The following MTUS2 variants were observed in gnomAD, a reference collection of about 807,000 sequenced individuals.
MTUS2 encodes the protein microtubule associated scaffold protein 2.
MTUS2 carries 40 observed loss-of-function variants against 114.1 expected under a neutral mutation model. That is an observed-to-expected ratio of 0.35 (90% confidence interval 0.27 to 0.46). The LOEUF (loss-of-function observed/expected upper bound fraction) is 0.46. Ranked by LOEUF, MTUS2 falls within the 20% of genes least tolerant of loss-of-function variation. MTUS2 has a pLI of 1.00. For synonymous variants in MTUS2, 688 were observed against 672.0 expected (o/e 1.02, Z -0.37); for missense variants, 1,679 against 1,705.4 (o/e 0.98, Z 0.27).
intron 3 of MTUS2, among the ~76,000 whole-genome samples, chr13:29,032,144 C>A (rs2138514238): frequency 6.6e-6 from 1 of 152,206 alleles, no homozygotes; most frequent in African/African-American, 2.4e-5. Context: ...TGTAGATTCC[C>A]TTGTTTAATT....
At chr13:29,238,036 A>G (rs148468206) in intron 5 of MTUS2, among the ~76,000 whole-genome samples, 39 of 152,334 alleles carry the variant, frequency 2.6e-4, no homozygotes, top group African/African-American at 9.4e-4. Context: ...TAGAATTACC[A>G]TATGATCCAG....
At chr13:28,924,956 C>T (rs1443597277) in intron 2 of MTUS2, among the ~76,000 whole-genome samples, 4 of 151,758 alleles carry the variant, frequency 2.6e-5, no homozygotes, top group Non-Finnish European at 4.4e-5. Flanking sequence ...GCATCAAATT[C>T]GTCTTGTCAG....
chr13:28,839,254 A>G (rs78402574), intron 1 of MTUS2, among the ~76,000 whole-genome samples: 1,604 of 152,308 alleles, frequency 0.011, 16 homozygotes, highest in Non-Finnish European at 0.016. Context: ...ATTAATATTA[A>G]TGTTGTTAAT....
At chr13:29,286,948 A>G (rs7990601) in intron 6 of MTUS2, among the ~76,000 whole-genome samples, 57,394 of 152,026 alleles carry the variant, frequency 0.38, 11,296 homozygotes, top group East Asian at 0.71. Context: ...TTGGCCTCCC[A>G]AAGTGCTGGG....
At chr13:29,201,829 G>A (rs1284145867) in intron 5 of MTUS2, among the ~76,000 whole-genome samples, 1 of 152,072 alleles carries the variant, frequency 6.6e-6, no homozygotes, top group East Asian at 1.9e-4. Flanking sequence ...TTGAATATTG[G>A]CCCCCACTCT....
chr13:28,905,845 G>C (rs1879970405), intron 2 of MTUS2, among the ~76,000 whole-genome samples: 1 of 151,468 alleles, frequency 6.6e-6, no homozygotes, highest in African/African-American at 2.4e-5. Flanking sequence ...GCTCCTCCTT[G>C]TACCTCTGGT....
intron 4 of MTUS2, among the ~76,000 whole-genome samples, chr13:29,097,479 C>T (rs914466155): frequency 6.6e-6 from 1 of 152,104 alleles, no homozygotes; most frequent in Non-Finnish European, 1.5e-5. Context: ...GCACTTGTAA[C>T]ATTTGTATTT....
intron 8 of MTUS2, among the ~76,000 whole-genome samples, chr13:29,429,826 G>A (rs1425029572): frequency 1.3e-5 from 2 of 152,112 alleles, no homozygotes; most frequent in African/African-American, 4.8e-5. Flanking sequence ...GAAAATATAT[G>A]GCTTAATATA....
chr13:29,484,404 A>T (rs896294925), intron 10 of MTUS2, among the ~76,000 whole-genome samples: 3 of 152,242 alleles, frequency 2.0e-5, no homozygotes, highest in African/African-American at 7.2e-5. Flanking sequence ...TCTCAGCACC[A>T]GAGCCTGCCA....
intron 8 of MTUS2, among the ~76,000 whole-genome samples, chr13:29,375,602 T>A: frequency 2.3e-4 from 1 of 4,386 alleles, no homozygotes; most frequent in African/African-American, 4.9e-4. Context: ...TATATATATA[T>A]ATATACGTAT....
At chr13:29,147,596 C>G (rs1350442505) in intron 5 of MTUS2, among the ~76,000 whole-genome samples, 1 of 152,048 alleles carries the variant, frequency 6.6e-6, no homozygotes, top group Non-Finnish European at 1.5e-5. Flanking sequence ...TCTCTCTCTC[C>G]CCGCTGTACT....
intron 2 of MTUS2, among the ~76,000 whole-genome samples, chr13:28,944,168 A>C (rs949237215): frequency 2.0e-5 from 3 of 152,006 alleles, no homozygotes; most frequent in Non-Finnish European, 4.4e-5. Context: ...CATTCATATA[A>C]TCAGGGTAAT....
At chr13:29,337,562 G>A (rs1566139277) in intron 7 of MTUS2, among the ~76,000 whole-genome samples, 1 of 151,964 alleles carries the variant, frequency 6.6e-6, no homozygotes, top group Non-Finnish European at 1.5e-5. Flanking sequence ...GATCTCGCTG[G>A]GTGCTGCAGA....
At chr13:29,422,380 C>T (rs1209912132) in intron 8 of MTUS2, among the ~76,000 whole-genome samples, 1 of 152,000 alleles carries the variant, frequency 6.6e-6, no homozygotes, top group Non-Finnish European at 1.5e-5. Flanking sequence ...ACGTGAGATA[C>T]AGTGCACAAG....
chr13:29,280,422 T>C lies in MTUS2; in HGVS notation c.2645-1282T>C, dbSNP rs550400241. ...GCATTCTTTGATTTCTTCCTAAATA[T>C]GCTTTTCTTTAGAAACAACAGAAAT... On this transcript the variant is annotated intron_variant, in intron 5 of 15. Transcript: ENST00000612955. 2.0e-5 allele frequency among the ~76,000 whole-genome samples: 3 copies of C among 152,336 alleles called. No homozygotes were observed. In the East Asian group the frequency reaches 5.8e-4, roughly 29 times the overall value.
chr13:29,142,898 G>T (rs1412738784), intron 5 of MTUS2, among the ~76,000 whole-genome samples: 3 of 152,178 alleles, frequency 2.0e-5, no homozygotes, highest in Non-Finnish European at 2.9e-5. Flanking sequence ...ATAAAGCAAG[G>T]CAGCATGTAC....
intron 5 of MTUS2, among the ~76,000 whole-genome samples, chr13:29,212,264 G>T (rs1895473277): frequency 6.6e-6 from 1 of 151,948 alleles, no homozygotes; most frequent in South Asian, 2.1e-4. Flanking sequence ...GATCTTTCTG[G>T]TTATTGATCT....
intron 5 of MTUS2, among the ~76,000 whole-genome samples, chr13:29,148,396 GT>G (rs1302398446): frequency 2.0e-4 from 1 of 4,928 alleles, no homozygotes; most frequent in Non-Finnish European, 2.9e-3. Flanking sequence ...AGTGTGTGTT[GT>G]TGCCCCCCCA....
In MTUS2 at chr13:29,496,771, GT is replaced by G. The variant is rs1882580610; in HGVS notation, c.3580-465del. Among the ~76,000 whole-genome samples the G allele has an allele frequency of 6.6e-6, 1 of 152,124 alleles. No homozygotes were observed. The highest frequency in any genetic ancestry group is 2.1e-4 in the South Asian group (1 of 4,824). On this transcript the variant is annotated intron_variant, in intron 12 of 15. Transcript: ENST00000612955. This position sits in a 1 kb window ranked among gnomAD's most constrained non-coding sequence, Gnocchi z 4.3. ...TATGGACTTGGTGATTAGAAGGTTT[GT>G]TGATGTGGGAGGGGTCCCAAGGGAG... is the stretch of plus-strand genomic sequence containing the variant.
Sources: gnomAD v4.1 joint callset for allele counts (sites outside exome capture counted in the v4.1 genomes callset) on GRCh38, gnomAD v4.1.1 for gene constraint, Gnocchi (gnomAD v3.1) non-coding constraint, MANE v1.5 for transcripts, NCBI Gene and HGNC (gene_info 2026-07-23, HGNC 2026-07-21) for gene names.